The following SETX variants were observed in gnomAD, a reference collection of about 807,000 sequenced individuals.
SETX encodes senataxin, also known as helicase senataxin.
Under a neutral mutation model 227.2 loss-of-function variants are expected in SETX, and 90 were observed. The observed-to-expected ratio is 0.40, with a 90% confidence interval of 0.33 to 0.47. SETX has a LOEUF of 0.47. SETX is among the 20% of genes least tolerant of loss of function. The probability of loss-of-function intolerance (pLI) is 0.91; values close to 1 mark genes in which losing one functional copy is unlikely to be tolerated. For synonymous variants in SETX, 1,210 were observed against 1,113.2 expected (o/e 1.09, Z -1.73); for missense variants, 3,052 against 3,181.5 (o/e 0.96, Z 0.98).
chr9:132,275,418 G>A lies in SETX; in HGVS notation c.6938C>T (p.Ser2313Leu). 1 of 1,594,096 alleles carries A rather than the reference G, an allele frequency of 6.3e-7. No individual in the cohort carries two copies. Among genetic ancestry groups the A allele is most frequent in the Non-Finnish European group, 8.6e-7 (1 of 1,163,120 alleles). The change falls in exon 23 of 26, where the codon TCA (serine) becomes TTA (leucine). Residue 2313 changes from serine to leucine, a missense_variant and splice_region_variant. Ser to Leu is a moderately radical substitution (Grantham distance 145). Coordinates refer to ENST00000224140, the MANE Select transcript of SETX (RefSeq NM_015046.7). ...GDGSERRDND[S>L]YINVQEIKLV... is the part of the protein sequence containing the mutation. ...TTTTATTTCTTGAACATTTATATAT[G>A]AGCTAAACAAGATGGAAAAAGAAAA... is the stretch of plus-strand genomic sequence containing the variant.
At chr9:132,333,000 A>G (rs1298118215) in intron 7 of SETX, among the ~76,000 whole-genome samples, 2 of 151,894 alleles carry the variant, frequency 1.3e-5, no homozygotes, top group African/African-American at 4.8e-5. Context: ...TTATACATGT[A>G]GTTAGGCACA....
intron 11 of SETX, among the ~76,000 whole-genome samples, chr9:132,310,219 TAC>T (rs1341788411): frequency 6.6e-6 from 1 of 152,156 alleles, no homozygotes; most frequent in Admixed American, 6.5e-5. Context: ...ACACCATCAA[TAC>T]ACACAGCCCA....
intron 6 of SETX, among the ~76,000 whole-genome samples, chr9:132,335,704 C>A (rs1444689475): frequency 1.3e-5 from 2 of 152,074 alleles, no homozygotes; most frequent in Non-Finnish European, 2.9e-5. Context: ...TATTTAAAGC[C>A]AACTATTACA....
At chr9:132,340,001 C>G (rs1697377733) in intron 5 of SETX, among the ~76,000 whole-genome samples, 1 of 152,168 alleles carries the variant, frequency 6.6e-6, no homozygotes, top group Admixed American at 6.5e-5. Flanking sequence ...CTTCTACCCT[C>G]CATTTATCTT....
rs540116063 is a variant in SETX, at chr9:132,291,853, G to T, written c.6107-3202C>A. ...ATAAAAACATATAAATTTCTACAAT[G>T]GGAGCTTGCTAATGCCCACAAGAAA... On this transcript the variant is annotated intron_variant, in intron 15 of 25. Transcript: ENST00000224140. Among the ~76,000 whole-genome samples the T allele has an allele frequency of 3.3e-5, 5 of 152,214 alleles. No homozygotes were observed. In the East Asian group the frequency reaches 9.6e-4, roughly 29 times the overall value.
chr9:132,277,001 A>G, intron 22 of SETX, 59 bp downstream of exon 22: 1 of 1,381,540 alleles, frequency 7.2e-7, no homozygotes, highest in Non-Finnish European at 1.0e-6. Flanking sequence ...AGAAATATGA[A>G]TGCAAATCAT....
At chr9:132,344,953 G>A (rs1848204377) in intron 4 of SETX, among the ~76,000 whole-genome samples, 1 of 151,498 alleles carries the variant, frequency 6.6e-6, no homozygotes, top group Non-Finnish European at 1.5e-5. Flanking sequence ...ATTATGAAAT[G>A]CAAATATCAA....
chr9:132,312,227 A>G (rs1845707488), intron 10 of SETX, among the ~76,000 whole-genome samples: 1 of 152,212 alleles, frequency 6.6e-6, no homozygotes, highest in Admixed American at 6.5e-5. Flanking sequence ...CTTCCCAACC[A>G]GATCAGCTAG....
At chr9:132,316,767 C>G (rs10793920) in intron 10 of SETX, among the ~76,000 whole-genome samples, 17,652 of 152,172 alleles carry the variant, frequency 0.12, 1,564 homozygotes, top group East Asian at 0.42. Flanking sequence ...AAAGGGTCTC[C>G]CACTGTTTCT....
chr9:132,305,622 T>C (rs1436696924), intron 11 of SETX, among the ~76,000 whole-genome samples: 1 of 152,054 alleles, frequency 6.6e-6, no homozygotes, highest in Non-Finnish European at 1.5e-5. Context: ...TTGCCAAAAA[T>C]GCAAAACCTG....
At chr9:132,356,139 G>T (rs71481394), upstream of SETX, among the ~76,000 whole-genome samples, 19,200 of 151,968 alleles carry the variant, frequency 0.13, 1,276 homozygotes, top group African/African-American at 0.15. Flanking sequence ...AACAAAGCAA[G>T]ACCCTGTCTC....
At chr9:132,282,469 T>A (rs945947792) in intron 19 of SETX, among the ~76,000 whole-genome samples, 1 of 151,902 alleles carries the variant, frequency 6.6e-6, no homozygotes, top group Non-Finnish European at 1.5e-5. Flanking sequence ...TTTGTCTTTT[T>A]AGTAGAGACA....
chr9:132,261,436 G>T lies in SETX; in HGVS notation c.*2803C>A, dbSNP rs1226297509. The T allele has an allele frequency of 2.6e-5, 4 of 152,172 alleles. No individual in the cohort carries two copies. Among genetic ancestry groups the T allele is most frequent in the African/African-American group, 4.8e-5 (2 of 41,430 alleles). The allele number at this position is 152,172 out of a possible 1,614,324, so 9.4% of individuals were successfully genotyped here. A position where few individuals can be genotyped will look rare whatever the true frequency, so the allele number is the denominator to read the frequency against. On this transcript the variant is annotated 3_prime_UTR_variant, in exon 26 of 26. Coordinates refer to ENST00000224140, the MANE Select transcript of SETX (RefSeq NM_015046.7). The stretch of plus-strand genomic sequence containing the variant: ...GCATAAAGCAAACCAAATGGCAGAC[G>T]AAATGATGTTAGTACCTTGTAGTTT...
intron 17 of SETX, among the ~76,000 whole-genome samples, chr9:132,287,911 TGCCTGTAATCCCA>T (rs1564491438): frequency 6.6e-6 from 1 of 152,190 alleles, no homozygotes; most frequent in Non-Finnish European, 1.5e-5. Context: ...CAATGGCTCA[TGCCTGTAATCCCA>T]GCACTTTGGG....
chr9:132,326,845 G>A lies in SETX; in HGVS notation c.4753C>T (p.Pro1585Ser), dbSNP rs1846817047. 2.5e-6 allele frequency: 4 copies of A among 1,614,172 alleles called. No homozygotes were observed. Among genetic ancestry groups the A allele is most frequent in the Non-Finnish European group, 2.5e-6 (3 of 1,180,038 alleles). The change falls in exon 10 of 26, where the codon CCT becomes TCT. Residue 1585 changes from proline (P) to serine (S), a missense_variant. Around this residue, in one of 10 missense-constraint regions of SETX, gnomAD observed 1,483 missense variants for 1,312.0 expected, o/e 1.13. Coordinates refer to ENST00000224140, the MANE Select transcript of SETX (RefSeq NM_015046.7). ...DEDVFRKPGL[P>S]PPASKPLRPT... Reference sequence around the variant, plus strand: ...CTCAAAGGTTTAGATGCAGGAGGAGGCAAGCCAGGTTTACGAAATACATCT... The same window carrying A: ...CTCAAAGGTTTAGATGCAGGAGGAGACAAGCCAGGTTTACGAAATACATCT...
At chr9:132,309,968 A>G (rs744133) in intron 11 of SETX, among the ~76,000 whole-genome samples, 11,185 of 152,290 alleles carry the variant, frequency 0.073, 713 homozygotes, top group Admixed American at 0.22. Context: ...GCAATTCTCA[A>G]TAAGAATGAA....
In SETX at chr9:132,300,700, CTCTG is replaced by C. The variant is rs1226261253; in HGVS notation, c.5474_5477del (p.Thr1825ArgfsTer46). The C allele has an allele frequency of 6.2e-7, 1 of 1,613,530 alleles. No homozygotes were observed. Among genetic ancestry groups the C allele is most frequent in the Admixed American group, 1.7e-5 (1 of 59,982 alleles). On this transcript the variant is annotated frameshift_variant, in exon 12 of 26. Coordinates refer to ENST00000224140, the MANE Select transcript of SETX (RefSeq NM_015046.7). LOFTEE classifies it high-confidence loss of function. ...CGTGGAGATCTTGTATGTCATTTCT[CTCTG>C]TATCTTTCTTCTCTTCATTTATTCT...
At chr9:132,324,272 A>C (rs1324709886) in intron 10 of SETX, among the ~76,000 whole-genome samples, 2 of 152,186 alleles carry the variant, frequency 1.3e-5, no homozygotes, top group East Asian at 3.8e-4. Context: ...AAAAATAATA[A>C]AGCAACTCTC....
At chr9:132,336,213 A>C in intron 6 of SETX, 83 bp downstream of exon 6, 1 of 1,126,434 alleles carries the variant, frequency 8.9e-7, no homozygotes, top group Admixed American at 2.2e-5. Context: ...ACTGCACTCC[A>C]GCCTGGGCAA....
Sources: gnomAD v4.1 joint callset for allele counts (sites outside exome capture counted in the v4.1 genomes callset) on GRCh38, gnomAD v4.1.1 for gene constraint, gnomAD v4.1.1 regional missense constraint, MANE v1.5 for transcripts, NCBI Gene and HGNC (gene_info 2026-07-23, HGNC 2026-07-21) for gene names.